PFDN1: variants seen among roughly 807,000 people sequenced by gnomAD.
PFDN1 encodes the protein prefoldin 1.
In PFDN1, 6 loss-of-function variants were observed where a neutral mutation model predicts 17.3. The observed-to-expected ratio is 0.35, with a 90% CI of 0.19 to 0.69. The LOEUF (loss-of-function observed/expected upper bound fraction) is 0.69, where lower values mean the gene tolerates loss of function less well. Ranked by LOEUF, PFDN1 falls within the 30% of genes least tolerant of loss-of-function variation. PFDN1 has a pLI of 0.65. For synonymous variants in PFDN1, 58 were observed against 50.1 expected, an observed-to-expected ratio of 1.16 and a Z score of -0.67; for missense variants, 113 against 146.2, an observed-to-expected ratio of 0.77 and a Z score of 1.17.
chr5:140,251,466 G>C (rs1467830580), intron 3 of PFDN1, among the ~76,000 whole-genome samples: 1 of 152,114 alleles, frequency 6.6e-6, no homozygotes, highest in Non-Finnish European at 1.5e-5. Flanking sequence ...CCATGTCCTG[G>C]ACTCTGAAAT....
At chr5:140,246,609 C>A (rs1764833421) in intron 3 of PFDN1, among the ~76,000 whole-genome samples, 1 of 152,228 alleles carries the variant, frequency 6.6e-6, no homozygotes, top group African/African-American at 2.4e-5. Context: ...AGACTGCTGC[C>A]TGCCAGGAAT....
chr5:140,252,029 C>T (rs143640183), intron 3 of PFDN1, among the ~76,000 whole-genome samples: 4 of 150,996 alleles, frequency 2.6e-5, no homozygotes, highest in African/African-American at 9.8e-5. Flanking sequence ...TTTATCCTGC[C>T]TTGGGGTATT....
intron 3 of PFDN1, among the ~76,000 whole-genome samples, chr5:140,246,662 T>C (rs1764835000): frequency 6.6e-6 from 1 of 152,206 alleles, no homozygotes; most frequent in Admixed American, 6.5e-5. Context: ...TTTTGGAGGC[T>C]TACCTTCTAC....
chr5:140,248,181 G>A (rs977942504), intron 3 of PFDN1, among the ~76,000 whole-genome samples: 8 of 150,012 alleles, frequency 5.3e-5, no homozygotes, highest in Non-Finnish European at 1.0e-4. Context: ...CGATTCTCCC[G>A]CCTCAGCCTC....
chr5:140,288,559 T>G (rs1417319428), intron 2 of PFDN1, among the ~76,000 whole-genome samples: 1 of 152,212 alleles, frequency 6.6e-6, no homozygotes, highest in African/African-American at 2.4e-5. Context: ...TTTTCATCAA[T>G]TGTAACAAAT....
chr5:140,282,509 A>T (rs1765425963), intron 2 of PFDN1, among the ~76,000 whole-genome samples: 1 of 152,036 alleles, frequency 6.6e-6, no homozygotes, highest in Non-Finnish European at 1.5e-5. Context: ...TTCCTCAAAC[A>T]AAAAGCACTG....
intron 3 of PFDN1, among the ~76,000 whole-genome samples, chr5:140,255,380 C>T (rs1429381903): frequency 6.6e-6 from 1 of 152,094 alleles, no homozygotes; most frequent in Non-Finnish European, 1.5e-5. Flanking sequence ...AGTTTGAGAC[C>T]AGCTGGCCCT....
rs57069260 is a variant in PFDN1, at chr5:140,283,379, C to T, written c.201-1846G>A. 5.5e-3 allele frequency among the ~76,000 whole-genome samples: 842 copies of T among 152,130 alleles called. 5 individuals carry two copies. Among genetic ancestry groups the T allele is most frequent in the African/African-American group, 0.019 (789 of 41,494 alleles). ...TCCCGAGTAGCTGGGACTACAGGCG[C>T]CCACCACCACGCCTGGCTAATTTTT... On this transcript the variant is annotated intron_variant, in intron 2 of 3. Transcript: ENST00000261813.
At chr5:140,287,377 C>A (rs1397688579) in intron 2 of PFDN1, among the ~76,000 whole-genome samples, 1 of 152,166 alleles carries the variant, frequency 6.6e-6, no homozygotes, top group Non-Finnish European at 1.5e-5. Flanking sequence ...TAGATATGTA[C>A]ATACACATGA....
At chr5:140,291,837 GA>G (rs946697824) in intron 2 of PFDN1, among the ~76,000 whole-genome samples, 1 of 152,082 alleles carries the variant, frequency 6.6e-6, no homozygotes, top group African/African-American at 2.4e-5. Flanking sequence ...GTGCTTCAAG[GA>G]AGAAAGGTCA....
At chr5:140,250,822 C>G (rs932440735) in intron 3 of PFDN1, among the ~76,000 whole-genome samples, 1 of 152,192 alleles carries the variant, frequency 6.6e-6, no homozygotes, top group African/African-American at 2.4e-5. Context: ...CCCTCTCACC[C>G]CCTGCCCCTG....
At chr5:140,264,616 A>T (rs1765111031) in intron 3 of PFDN1, among the ~76,000 whole-genome samples, 2 of 151,964 alleles carry the variant, frequency 1.3e-5, no homozygotes, top group South Asian at 4.2e-4. Context: ...AAGTGGGAGG[A>T]CTGCTCAAGG....
In PFDN1 at chr5:140,300,577, G is replaced by A. The variant is rs748027033; in HGVS notation, c.39C>T (p.Phe13=). The A allele has an allele frequency of 6.2e-7, 1 of 1,600,986 alleles. No individual in the cohort carries two copies. Among genetic ancestry groups the A allele is most frequent in the Non-Finnish European group, 8.5e-7 (1 of 1,173,352 alleles). The change falls in exon 2 of 4, where the codon TTC becomes TTT. Residue 13 remains phenylalanine (F), a synonymous_variant. Transcript: ENST00000261813. ...CAATAACTTTGGCTTGAAGCTCTGT[G>A]AAGGCCTAATAAAAACAAGTCCATG... ...APVDLELKKA[F]TELQAKVIDT... is the part of the protein sequence containing the mutation.
At chr5:140,271,906 TTATA>T (rs1031183273) in intron 3 of PFDN1, among the ~76,000 whole-genome samples, 1 of 150,156 alleles carries the variant, frequency 6.7e-6, no homozygotes, top group East Asian at 1.9e-4. Context: ...CTAAACTAAA[TTATA>T]TATATACACA....
intron 3 of PFDN1, among the ~76,000 whole-genome samples, chr5:140,270,925 C>CA (rs1561503083): frequency 1.3e-5 from 2 of 149,970 alleles, no homozygotes; most frequent in South Asian, 2.1e-4. Context: ...GACTCCGTCT[C>CA]AAAAAAAAAG....
intron 2 of PFDN1, among the ~76,000 whole-genome samples, chr5:140,290,876 A>C (rs926819418): frequency 3.3e-5 from 5 of 152,242 alleles, no homozygotes; most frequent in Non-Finnish European, 7.3e-5. Context: ...AAGGGAAAAA[A>C]TGAAAGACAA....
intron 3 of PFDN1, among the ~76,000 whole-genome samples, chr5:140,275,432 C>G (rs982724179): frequency 6.6e-6 from 1 of 150,390 alleles, no homozygotes; most frequent in Non-Finnish European, 1.5e-5. Flanking sequence ...AAAGACAGTG[C>G]TTGTGTTTAT....
At chr5:140,250,935 TTC>T (rs1490591690) in intron 3 of PFDN1, among the ~76,000 whole-genome samples, 7 of 152,212 alleles carry the variant, frequency 4.6e-5, no homozygotes, top group African/African-American at 1.7e-4. Context: ...CTACATTATA[TTC>T]TTTTTATTTT....
At chr5:140,272,363 A>AT (rs34993514) in intron 3 of PFDN1, among the ~76,000 whole-genome samples, 39,333 of 136,670 alleles carry the variant, frequency 0.29, 6,735 homozygotes, top group African/African-American at 0.47. Context: ...TGGTAAAACC[A>AT]TTTTTTTTTT....
Sources: allele counts gnomAD v4.1 joint callset (sites outside exome capture counted in the v4.1 genomes callset), GRCh38; gene constraint gnomAD v4.1.1; transcripts MANE v1.5; gene names NCBI Gene and HGNC (gene_info 2026-07-23, HGNC 2026-07-21).